Variants in PPP1R12C observed in about 807,000 individuals in gnomAD.
The protein encoded by PPP1R12C is protein phosphatase 1 regulatory subunit 12C, also known as leukocyte receptor cluster (LRC) encoded novel gene 3.
A neutral mutation model predicts 95.6 loss-of-function variants in PPP1R12C; 48 were observed. The observed-to-expected ratio is 0.50, with a 90% CI of 0.40 to 0.64. PPP1R12C has a LOEUF of 0.64. Among genes scored for constraint, PPP1R12C ranks in the 30% least tolerant of loss-of-function variants. PPP1R12C has a pLI of 0.00. For missense variants in PPP1R12C, 1,057 were observed against 1,083.3 expected, an observed-to-expected ratio of 0.98 and a Z score of 0.34; for synonymous variants, 480 against 460.8, an observed-to-expected ratio of 1.04 and a Z score of -0.53.
At chr19:55,110,401 G>C (rs1277538691) in intron 3 of PPP1R12C, among the ~76,000 whole-genome samples, 3 of 147,622 alleles carry the variant, frequency 2.0e-5, no homozygotes, top group South Asian at 2.3e-4. Context: ...GGGTGAGAGT[G>C]TAGCATCAAG....
At chr19:55,099,941 G>T (rs746087180) in intron 4 of PPP1R12C, among the ~76,000 whole-genome samples, 2 of 152,204 alleles carry the variant, frequency 1.3e-5, no homozygotes, top group South Asian at 4.1e-4. Context: ...TGGACAGCCT[G>T]GGATATTCTA....
chr19:55,106,783 C>G (rs897233634), intron 3 of PPP1R12C, among the ~76,000 whole-genome samples: 2 of 152,320 alleles, frequency 1.3e-5, no homozygotes, highest in Admixed American at 6.5e-5. Context: ...CATATGGTTT[C>G]AATGTGACCG....
At chr19:55,106,732 CCT>C (rs1186609403) in intron 3 of PPP1R12C, among the ~76,000 whole-genome samples, 1 of 152,216 alleles carries the variant, frequency 6.6e-6, no homozygotes, top group Non-Finnish European at 1.5e-5. Context: ...TCTCCCTTCC[CCT>C]GTGACCTCAT....
chr19:55,116,405 G>C (rs1352738275), intron 1 of PPP1R12C, among the ~76,000 whole-genome samples: 1 of 152,094 alleles, frequency 6.6e-6, no homozygotes, highest in Admixed American at 6.5e-5. Flanking sequence ...GAGCATCCTT[G>C]GGCAGCAACA....
chr19:55,092,026 C>A (rs1465152889), intron 19 of PPP1R12C, 117 bp from the exon 20 acceptor site: 16 of 1,332,696 alleles, frequency 1.2e-5, no homozygotes, highest in Admixed American at 1.8e-5. Context: ...GCCCTTCCCC[C>A]ACGGGCCAGG....
At chr19:55,094,853 C>T (rs2084891742) in intron 11 of PPP1R12C, 55 bp from the exon 12 acceptor site, 2 of 1,538,230 alleles carry the variant, frequency 1.3e-6, no homozygotes, top group Admixed American at 2.0e-5. Flanking sequence ...TGTGCCGGCA[C>T]TGGAGATGCA....
rs1182974802 is a variant in PPP1R12C, at chr19:55,107,659, T to C, written c.572-4091A>G. 9.1e-5 allele frequency among the ~76,000 whole-genome samples: 12 copies of C among 132,092 alleles called. No individual in the cohort carries two copies. The South Asian group carries it at 9.6e-4, about 11-fold the overall frequency. The allele number at this position is 132,092 out of a possible 152,430, so 86.7% of individuals were successfully genotyped here. On this transcript the variant is annotated intron_variant, in intron 3 of 21. Coordinates refer to ENST00000263433, the MANE Select transcript of PPP1R12C (RefSeq NM_017607.4). ...GGTGGGAAATGAACAATGAGAACAC[T>C]TGGACACAGGAAGGGGAACATCACA...
intron 3 of PPP1R12C, among the ~76,000 whole-genome samples, chr19:55,108,561 T>C (rs2085063051): frequency 6.6e-6 from 1 of 152,238 alleles, no homozygotes; most frequent in Admixed American, 6.5e-5. Flanking sequence ...CATTCTACTG[T>C]CTGTCTCCAT....
chr19:55,106,904 C>T (rs991042658), intron 3 of PPP1R12C, among the ~76,000 whole-genome samples: 3 of 152,208 alleles, frequency 2.0e-5, no homozygotes, highest in Admixed American at 6.5e-5. Context: ...GTGAGCATCA[C>T]GCACAGGGCA....
At position 55,112,459 on chromosome 19, in the gene PPP1R12C, G is replaced by C. The variant is rs904136175; in HGVS notation, c.571+8C>G. 2 of 1,608,604 alleles carry C rather than the reference G, an allele frequency of 1.2e-6. No individual in the cohort carries two copies. Among genetic ancestry groups the C allele is most frequent in the Non-Finnish European group, 1.7e-6 (2 of 1,178,912 alleles). ...CCCCCACCCCACACACAGCACACCAGAGCCCACCTCGGCGGGCGATCTCCG... is the reference window on the plus strand; with the variant it reads ...CCCCCACCCCACACACAGCACACCACAGCCCACCTCGGCGGGCGATCTCCG... On this transcript the variant is annotated splice_region_variant and intron_variant, in intron 3 of 21. Coordinates refer to ENST00000263433, the MANE Select transcript of PPP1R12C (RefSeq NM_017607.4).
At position 55,092,313 on chromosome 19, in the gene PPP1R12C, A is replaced by G; in HGVS notation, c.2069T>C (p.Leu690Pro). ...DGGFRTLYAE[L>P]RRENERLREA... is the part of the protein sequence containing the mutation. ...GCGAAGCCGCTCGTTCTCCCTGCGC[A>G]GCTCTGCATACAGCTGGGGGTCAGG... Residue 690 changes from leucine (L) to proline (P), a missense_variant, in exon 19 of 22, where the codon CTG becomes CCG. Around this residue, in one of 5 missense-constraint regions of PPP1R12C, gnomAD observed 347 missense variants for 307.9 expected, o/e 1.13. Transcript: ENST00000263433. 2 of 1,598,870 alleles carry G rather than the reference A, an allele frequency of 1.3e-6. No individual in the cohort carries two copies. Among genetic ancestry groups the G allele is most frequent in the Non-Finnish European group, 1.7e-6 (2 of 1,172,858 alleles).
chr19:55,104,196 A>ATG (rs1434936341), intron 3 of PPP1R12C, among the ~76,000 whole-genome samples: 1 of 114,790 alleles, frequency 8.7e-6, no homozygotes, highest in East Asian at 2.8e-4. Context: ...ATATATATAT[A>ATG]TATACACACA....
At position 55,094,395 on chromosome 19, in the gene PPP1R12C, G is replaced by A. The variant is rs767638972; in HGVS notation, c.1633C>T (p.Gln545Ter). ...ATGAGACGGGAGCGAGCTTTTCTCT[G>A]GGATTCCGACTCCTCATCCCGCACA... ...MPVRDEESES[Q>*]RKARSRLMRQ... Residue 545 changes from glutamine to a stop codon, truncating the protein, a stop_gained, in exon 13 of 22, where the codon CAG becomes TAG. Coordinates refer to ENST00000263433, the MANE Select transcript of PPP1R12C (RefSeq NM_017607.4). LOFTEE classifies it high-confidence loss of function. 1 of 1,613,822 alleles carries A rather than the reference G, an allele frequency of 6.2e-7. No homozygotes were observed. The highest frequency in any genetic ancestry group is 1.1e-5 in the South Asian group (1 of 91,072).
At chr19:55,099,419 A>G (rs2084957808) in intron 4 of PPP1R12C, among the ~76,000 whole-genome samples, 2 of 152,148 alleles carry the variant, frequency 1.3e-5, no homozygotes, top group Admixed American at 1.3e-4. Context: ...GCAGCTCCGG[A>G]GGATGCAAGT....
Position 55,095,911 on chromosome 19 carries a change from T to G in PPP1R12C, c.1183A>C (p.Asn395His), listed in dbSNP as rs1443891283. The change falls in exon 9 of 22, where the codon AAT becomes CAT. Residue 395 changes from asparagine (N) to histidine (H), a missense_variant. Transcript: ENST00000263433. ...GGGTGCGGCGGGGAGGAGACGCCAT[T>G]GAGGGTTCTGGGTTCTGCAGGGGGT... ...EPPPAEPRTL[N>H]GVSSPPHPSP... 6.2e-7 allele frequency: 1 copy of G among 1,613,342 alleles called. No individual in the cohort carries two copies. Among genetic ancestry groups the G allele is most frequent in the Admixed American group, 1.7e-5 (1 of 59,998 alleles).
chr19:55,092,347 G>C, intron 18 of PPP1R12C, 21 bp from the exon 19 acceptor site: 2 of 1,581,538 alleles, frequency 1.3e-6, no homozygotes, highest in East Asian at 4.6e-5. Context: ...GGTAGAGGAG[G>C]GTCAGGTGGA....
In PPP1R12C at chr19:55,112,489, C is replaced by T. The variant is rs768729064; in HGVS notation, c.549G>A (p.Leu183=). 8 of 1,612,488 alleles carry T rather than the reference C, an allele frequency of 5.0e-6. No individual in the cohort carries two copies. The highest frequency in any genetic ancestry group is 1.1e-5 in the South Asian group (1 of 91,030). ...LAESDAMEGL[L]KAEIARRGVD... Reference sequence around the variant, plus strand: ...CACCTCGGCGGGCGATCTCCGCCTTCAGCAGCCCCTCCATGGCGTCCGACT... The same window carrying T: ...CACCTCGGCGGGCGATCTCCGCCTTTAGCAGCCCCTCCATGGCGTCCGACT... The change falls in exon 3 of 22, where the codon CTG becomes CTA. Residue 183 remains leucine, a synonymous_variant. Coordinates refer to ENST00000263433, the MANE Select transcript of PPP1R12C (RefSeq NM_017607.4).
chr19:55,098,711 C>A, intron 6 of PPP1R12C, 73 bp downstream of exon 6: 1 of 1,582,714 alleles, frequency 6.3e-7, no homozygotes, highest in South Asian at 1.1e-5. Flanking sequence ...GGGGGTTCCC[C>A]CTCTGCACCC....
intron 3 of PPP1R12C, among the ~76,000 whole-genome samples, chr19:55,104,803 G>A (rs1041003032): frequency 4.0e-5 from 6 of 150,710 alleles, no homozygotes; most frequent in Admixed American, 2.0e-4. Flanking sequence ...ATATGGTCTC[G>A]CTCTGTCACC....
Sources: allele counts gnomAD v4.1 joint callset (sites outside exome capture counted in the v4.1 genomes callset), GRCh38; gene constraint gnomAD v4.1.1; regional missense constraint gnomAD v4.1.1; transcripts MANE v1.5; gene names NCBI Gene and HGNC (gene_info 2026-07-23, HGNC 2026-07-21).